The following IFT56 variants were observed in gnomAD, a reference collection of about 807,000 sequenced individuals.
IFT56 encodes intraflagellar transport 56.
the IFT56 span, chr7:139,147,369 C>A: frequency 8.1e-7 from 1 of 1,227,650 alleles, no homozygotes; most frequent in Non-Finnish European, 1.1e-6. Flanking sequence ...AATCTAGTGT[C>A]CTCTGGATCT....
At chr7:139,146,591 C>T in the IFT56 span, among the ~76,000 whole-genome samples, 1 of 151,926 alleles carries the variant, frequency 6.6e-6, no homozygotes. Context: ...CATGGTGAAA[C>T]CCCATCTCTA....
At chr7:139,158,313 C>CAAAAAAAAAAAAAAAAAAAAAA in the IFT56 span, among the ~76,000 whole-genome samples, 5 of 115,340 alleles carry the variant, frequency 4.3e-5, no homozygotes, top group East Asian at 3.0e-4. Context: ...GACGCCATCT[C>CAAAAAAAAAAAAAAAAAAAAAA]AAAAAAAAAA....
At chr7:139,152,276 G>A in the IFT56 span, among the ~76,000 whole-genome samples, 2 of 152,046 alleles carry the variant, frequency 1.3e-5, no homozygotes, top group African/African-American at 2.4e-5. Flanking sequence ...ACAGACATGC[G>A]CCACTGTGCC....
chr7:139,169,344 G>A, the IFT56 span: 3 of 1,613,884 alleles, frequency 1.9e-6, no homozygotes, highest in Non-Finnish European at 2.5e-6. Context: ...GGATCAGCTA[G>A]TGAATGTGGT....
chr7:139,149,547 C>G, the IFT56 span, among the ~76,000 whole-genome samples: 34 of 152,038 alleles, frequency 2.2e-4, no homozygotes, highest in African/African-American at 7.5e-4. Flanking sequence ...ATGCCATGCT[C>G]TCTTACCACC....
chr7:139,168,267 G>A, the IFT56 span: 1 of 907,960 alleles, frequency 1.1e-6, no homozygotes, highest in Non-Finnish European at 1.7e-6. Context: ...AAAGTATTGA[G>A]TTAATGCAAG....
At chr7:139,167,713 T>C in the IFT56 span, among the ~76,000 whole-genome samples, 1 of 151,962 alleles carries the variant, frequency 6.6e-6, no homozygotes. Flanking sequence ...CCAAGGCAGG[T>C]GGATCACCTG....
the IFT56 span, among the ~76,000 whole-genome samples, chr7:139,158,843 G>C: frequency 6.6e-6 from 1 of 152,060 alleles, no homozygotes; most frequent in African/African-American, 2.4e-5. Flanking sequence ...GAGCCTGGGG[G>C]ACAGGGGTTG....
chr7:139,134,159 G>A, the IFT56 span, among the ~76,000 whole-genome samples: 1 of 152,322 alleles, frequency 6.6e-6, no homozygotes, highest in African/African-American at 2.4e-5. Flanking sequence ...AAAGTTGGGA[G>A]TAGCTGTTTG....
the IFT56 span, chr7:139,190,895 G>A: frequency 1.3e-5 from 2 of 152,306 alleles, no homozygotes; most frequent in African/African-American, 4.8e-5. Context: ...TAGATGGGAA[G>A]AGAACTGAAA....
the IFT56 span, among the ~76,000 whole-genome samples, chr7:139,148,887 C>T: frequency 3.7e-3 from 567 of 151,950 alleles, 6 homozygotes; most frequent in African/African-American, 0.013. Context: ...GGTGACAGAG[C>T]GAGACTCTGT....
At chr7:139,150,906 G>A in the IFT56 span, among the ~76,000 whole-genome samples, 2 of 152,172 alleles carry the variant, frequency 1.3e-5, no homozygotes, top group African/African-American at 4.8e-5. Flanking sequence ...CCACTAAAAT[G>A]TCCTGCAATA....
chr7:139,183,182 G>A, the IFT56 span, among the ~76,000 whole-genome samples: 1 of 151,764 alleles, frequency 6.6e-6, no homozygotes, highest in South Asian at 2.1e-4. Flanking sequence ...TAGGCCCTGA[G>A]GAGATGAGAG....
At chr7:139,183,666 A>G in the IFT56 span, among the ~76,000 whole-genome samples, 1 of 152,122 alleles carries the variant, frequency 6.6e-6, no homozygotes, top group East Asian at 1.9e-4. Context: ...TAGGTCAAAA[A>G]TAAAAGGATA....
At chr7:139,143,967 A>G in the IFT56 span, among the ~76,000 whole-genome samples, 1 of 152,090 alleles carries the variant, frequency 6.6e-6, no homozygotes, top group Non-Finnish European at 1.5e-5. Context: ...AAACTCATTT[A>G]CTCTCCATCT....
At chr7:139,190,629 G>T in the IFT56 span, 1 of 152,154 alleles carries the variant, frequency 6.6e-6, no homozygotes, top group African/African-American at 2.4e-5. Context: ...AACATGAATC[G>T]TATAAAGTCC....
At chr7:139,181,276 T>C in the IFT56 span, 3 of 1,105,952 alleles carry the variant, frequency 2.7e-6, no homozygotes, top group Non-Finnish European at 4.0e-6. Flanking sequence ...TAGGGGAAAA[T>C]GTCCTGCAGA....
chr7:139,186,077 G>T, the IFT56 span, among the ~76,000 whole-genome samples: 1 of 151,060 alleles, frequency 6.6e-6, no homozygotes, highest in Non-Finnish European at 1.5e-5. Flanking sequence ...GAGTTGCCCA[G>T]CAATTTGAAG....
the IFT56 span, chr7:139,173,717 G>A: frequency 1.3e-6 from 1 of 770,262 alleles, no homozygotes; most frequent in South Asian, 1.3e-5. Flanking sequence ...CTCATTGGCT[G>A]AAAAGGCTGC....
Sources: allele counts gnomAD v4.1 joint callset (sites outside exome capture counted in the v4.1 genomes callset), GRCh38; gene constraint gnomAD v4.1.1; transcripts MANE v1.5; gene names NCBI Gene and HGNC (gene_info 2026-07-23, HGNC 2026-07-21).